The following STX8 variants were observed in gnomAD, a reference collection of about 807,000 sequenced individuals.
The protein encoded by STX8 is syntaxin-8.
STX8 carries 23 observed loss-of-function variants against 37.5 expected under a neutral mutation model. The ratio of observed to expected loss-of-function variants is 0.61; its 90% CI spans 0.44 to 0.87. The LOEUF (loss-of-function observed/expected upper bound fraction) is 0.87. STX8 is among the 40% of genes least tolerant of loss of function. The pLI is 0.00. For synonymous variants in STX8, 115 were observed against 99.1 expected, an observed-to-expected ratio of 1.16 and a Z score of -0.95; for missense variants, 313 against 284.7, an observed-to-expected ratio of 1.10 and a Z score of -0.71.
chr17:9,352,634 G>A (rs1311046825), intron 7 of STX8, among the ~76,000 whole-genome samples: 2 of 151,538 alleles, frequency 1.3e-5, no homozygotes, highest in East Asian at 3.9e-4. Context: ...CGAGTAGCTG[G>A]GACTACAGGC....
chr17:9,341,970 G>A (rs556719029), intron 7 of STX8, among the ~76,000 whole-genome samples: 6 of 152,240 alleles, frequency 3.9e-5, no homozygotes, highest in African/African-American at 1.4e-4. Flanking sequence ...AGGACTGTGG[G>A]CTGTGCACTC....
At chr17:9,366,681 C>A (rs1291328742) in intron 7 of STX8, among the ~76,000 whole-genome samples, 1 of 152,148 alleles carries the variant, frequency 6.6e-6, no homozygotes, top group African/African-American at 2.4e-5. Flanking sequence ...CCAAGAGTTG[C>A]CCCAAATGCC....
chr17:9,312,962 A>G lies in STX8; in HGVS notation c.644-62317T>C, dbSNP rs190772090. On this transcript the variant is annotated intron_variant, in intron 7 of 7. Coordinates refer to ENST00000306357, the MANE Select transcript of STX8 (RefSeq NM_004853.3). ...TCCCAGCACTTTGGGAGGCTGAGGT[A>G]GGTGGATCACCTGAGGTTGGGAGTT... Among the ~76,000 whole-genome samples, 546 of 152,170 alleles carry G rather than the reference A, an allele frequency of 3.6e-3. 1 individual carries two copies. The highest frequency in any genetic ancestry group is 1.0e-2 in the African/African-American group (414 of 41,528).
At chr17:9,311,845 C>CT (rs909979572) in intron 7 of STX8, among the ~76,000 whole-genome samples, 20 of 151,532 alleles carry the variant, frequency 1.3e-4, no homozygotes, top group African/African-American at 4.1e-4. Flanking sequence ...GTTAAATTCT[C>CT]TTTTTTTCTT....
chr17:9,330,431 C>G (rs879508676), intron 7 of STX8, among the ~76,000 whole-genome samples: 6 of 152,276 alleles, frequency 3.9e-5, no homozygotes, highest in East Asian at 1.9e-4. Context: ...CTCCCACCCC[C>G]CAACCCGGTC....
chr17:9,253,562 C>T (rs780420083), intron 7 of STX8, among the ~76,000 whole-genome samples: 10 of 151,868 alleles, frequency 6.6e-5, no homozygotes, highest in African/African-American at 1.5e-4. Flanking sequence ...TGGGATGGGG[C>T]GAAGGGGCAA....
intron 5 of STX8, among the ~76,000 whole-genome samples, chr17:9,493,760 C>G (rs1274858793): frequency 2.6e-5 from 4 of 152,196 alleles, no homozygotes; most frequent in African/African-American, 9.7e-5. Flanking sequence ...CCTCGTTACT[C>G]TAATCCCTGT....
intron 6 of STX8, among the ~76,000 whole-genome samples, chr17:9,400,595 G>C (rs746449364): frequency 2.0e-5 from 3 of 151,918 alleles, no homozygotes; most frequent in African/African-American, 7.3e-5. Flanking sequence ...AGTAGAGACA[G>C]GGTTTCACCA....
Position 9,264,875 on chromosome 17 carries a change from A to G in STX8, c.644-14230T>C, listed in dbSNP as rs190340604. ...ACGCCTGTAATCCCAGTACTTTGGG[A>G]GGCTGAGGTGGGAGGATCTCTTGGG... On this transcript the variant is annotated intron_variant, in intron 7 of 7. Transcript: ENST00000306357. 2.2e-4 allele frequency among the ~76,000 whole-genome samples: 34 copies of G among 152,140 alleles called. No homozygotes were observed. The East Asian group carries it at 6.4e-3, about 29-fold the overall frequency.
intron 7 of STX8, among the ~76,000 whole-genome samples, chr17:9,307,929 C>T (rs532967358): frequency 6.6e-6 from 1 of 152,236 alleles, no homozygotes; most frequent in Admixed American, 6.5e-5. Context: ...CCTTGAAGAC[C>T]CTCATTCCAA....
chr17:9,278,315 G>A (rs1907751624), intron 7 of STX8, among the ~76,000 whole-genome samples: 1 of 152,252 alleles, frequency 6.6e-6, no homozygotes, highest in Admixed American at 6.5e-5. Context: ...GGGCACGGCA[G>A]CACATGCCTG....
At chr17:9,423,350 GTCTC>G (rs565652565) in intron 6 of STX8, among the ~76,000 whole-genome samples, 2 of 152,122 alleles carry the variant, frequency 1.3e-5, no homozygotes, top group African/African-American at 4.8e-5. Flanking sequence ...TTGAGACGGA[GTCTC>G]TCTCTCTGTC....
chr17:9,530,235 C>T (rs1163135601), intron 4 of STX8, among the ~76,000 whole-genome samples: 1 of 149,442 alleles, frequency 6.7e-6, no homozygotes, highest in Non-Finnish European at 1.5e-5. Flanking sequence ...GGTGGGAACC[C>T]GGGAGGTGGG....
chr17:9,530,160 A>C (rs1341724093), intron 4 of STX8, among the ~76,000 whole-genome samples: 1 of 151,972 alleles, frequency 6.6e-6, no homozygotes, highest in African/African-American at 2.4e-5. Context: ...ATACAAAAAA[A>C]ATTAGCCAGG....
At chr17:9,295,761 G>A (rs1908499402) in intron 7 of STX8, among the ~76,000 whole-genome samples, 2 of 151,264 alleles carry the variant, frequency 1.3e-5, no homozygotes, top group South Asian at 2.1e-4. Context: ...CCAAAAAAAG[G>A]AGGCTGGGTG....
At chr17:9,451,595 A>G (rs1905042224) in intron 6 of STX8, among the ~76,000 whole-genome samples, 1 of 152,210 alleles carries the variant, frequency 6.6e-6, no homozygotes, top group Non-Finnish European at 1.5e-5. Context: ...TATGATATAT[A>G]TGTCCAAATT....
intron 6 of STX8, among the ~76,000 whole-genome samples, chr17:9,414,101 T>A (rs142582179): frequency 0.11 from 1,049 of 9,878 alleles, 10 homozygotes; most frequent in Middle Eastern, 0.2. Context: ...CATCCATCCA[T>A]CCATCCATCC....
intron 7 of STX8, among the ~76,000 whole-genome samples, chr17:9,315,711 C>T (rs1055701750): frequency 1.3e-5 from 2 of 152,010 alleles, no homozygotes; most frequent in South Asian, 2.1e-4. Flanking sequence ...GCAGGATGGC[C>T]GGCCTACAAA....
chr17:9,256,246 G>A (rs747745874), intron 7 of STX8, among the ~76,000 whole-genome samples: 1 of 152,240 alleles, frequency 6.6e-6, no homozygotes, highest in South Asian at 2.1e-4. Context: ...CTGCCCACAC[G>A]CTCACCCTTG....
Sources: allele counts gnomAD v4.1 joint callset (sites outside exome capture counted in the v4.1 genomes callset), GRCh38; gene constraint gnomAD v4.1.1; transcripts MANE v1.5; gene names NCBI Gene and HGNC (gene_info 2026-07-23, HGNC 2026-07-21).